The following GPR141 variants were observed in gnomAD, a reference collection of about 807,000 sequenced individuals.
The protein encoded by GPR141 is G protein-coupled receptor 141, also known as probable G protein-coupled receptor 141.
Under a neutral mutation model 6.8 loss-of-function variants are expected in GPR141, and 6 were observed. That is an observed-to-expected ratio of 0.88 (90% CI 0.48 to 1.74). The LOEUF (loss-of-function observed/expected upper bound fraction) is 1.74. GPR141 is among the 40% of genes most tolerant of loss of function. The pLI is 0.01. For missense variants in GPR141, 372 were observed against 372.9 expected, an observed-to-expected ratio of 1.00 and a Z score of 0.02; for synonymous variants, 140 against 142.3, an observed-to-expected ratio of 0.98 and a Z score of 0.11.
chr7:37,705,126 A>G (rs1810469129), intron 2 of GPR141, among the ~76,000 whole-genome samples: 1 of 152,232 alleles, frequency 6.6e-6, no homozygotes, highest in Non-Finnish European at 1.5e-5. Flanking sequence ...AGGAAAGCTT[A>G]CTTTGATATT....
intron 2 of GPR141, among the ~76,000 whole-genome samples, chr7:37,736,927 C>A (rs12532170): frequency 6.6e-5 from 10 of 151,854 alleles, no homozygotes; most frequent in Admixed American, 5.9e-4. Context: ...GTTAATGATA[C>A]AATACAATAA....
intron 2 of GPR141, among the ~76,000 whole-genome samples, chr7:37,721,918 A>G (rs1273952640): frequency 6.6e-6 from 1 of 152,222 alleles, no homozygotes; most frequent in Non-Finnish European, 1.5e-5. Context: ...GCCTACAAGT[A>G]TATTTCACCT....
chr7:37,727,967 A>G (rs1272466285), intron 2 of GPR141, among the ~76,000 whole-genome samples: 2 of 152,170 alleles, frequency 1.3e-5, no homozygotes, highest in Admixed American at 1.3e-4. Flanking sequence ...TAATATGTCA[A>G]ATGTTCCAGG....
intron 2 of GPR141, among the ~76,000 whole-genome samples, chr7:37,709,486 G>T (rs750337818): frequency 3.9e-5 from 6 of 152,004 alleles, no homozygotes; most frequent in Non-Finnish European, 7.4e-5. Flanking sequence ...CCTAGAAGAG[G>T]GATTACCACC....
At chr7:37,735,153 A>G (rs1468448872) in intron 2 of GPR141, among the ~76,000 whole-genome samples, 1 of 152,226 alleles carries the variant, frequency 6.6e-6, no homozygotes, top group Non-Finnish European at 1.5e-5. Context: ...AATCCAAGAA[A>G]TCAAATAAAG....
Position 37,741,049 on chromosome 7 carries a change from A to C in GPR141, c.656A>C (p.Gln219Pro). ...CTACGCCACTCTTTACTATCCCACC[A>C]GGAGTTCTGGGCTCAGCTGAAAAAC... ...QKLRHSLLSHQEFWAQLKNLF... is the reference protein window; with the variant it reads ...QKLRHSLLSHPEFWAQLKNLF... Residue 219 changes from glutamine (Q) to proline (P), a missense_variant, in exon 3 of 3, where the codon CAG (glutamine) becomes CCG (proline). Coordinates refer to ENST00000334425, the MANE Select transcript of GPR141 (RefSeq NM_001381946.1). 1 of 1,614,136 alleles carries C rather than the reference A, an allele frequency of 6.2e-7. No individual in the cohort carries two copies. The highest frequency in any genetic ancestry group is 8.5e-7 in the Non-Finnish European group (1 of 1,179,984).
At chr7:37,713,463 T>C (rs1198297639) in intron 2 of GPR141, 1 of 152,186 alleles carries the variant, frequency 6.6e-6, no homozygotes, top group Non-Finnish European at 1.5e-5. Context: ...GATGTTAATT[T>C]ATAATGCTTT....
At chr7:37,722,939 CTT>C (rs1811414689) in intron 2 of GPR141, among the ~76,000 whole-genome samples, 7 of 122,856 alleles carry the variant, frequency 5.7e-5, no homozygotes, top group Admixed American at 5.0e-4. Context: ...TCCTTCCTTC[CTT>C]CCTTCCTTCC....
At chr7:37,714,991 CATGTT>C (rs1325298739) in intron 2 of GPR141, among the ~76,000 whole-genome samples, 1 of 152,170 alleles carries the variant, frequency 6.6e-6, no homozygotes, top group African/African-American at 2.4e-5. Flanking sequence ...TTCTGCAAAA[CATGTT>C]ATAACAAGAA....
chr7:37,727,512 C>T (rs1000150760), intron 2 of GPR141, among the ~76,000 whole-genome samples: 1 of 152,184 alleles, frequency 6.6e-6, no homozygotes, highest in Non-Finnish European at 1.5e-5. Flanking sequence ...CTTTTTTCCA[C>T]TTTGCCCTCT....
intron 2 of GPR141, among the ~76,000 whole-genome samples, chr7:37,717,436 T>C (rs929015488): frequency 2.0e-5 from 3 of 152,064 alleles, no homozygotes; most frequent in African/African-American, 7.2e-5. Context: ...TAGGTGGAGG[T>C]TGTGTATTTG....
intron 2 of GPR141, among the ~76,000 whole-genome samples, chr7:37,720,122 G>A (rs1811246763): frequency 6.6e-6 from 1 of 152,158 alleles, no homozygotes; most frequent in South Asian, 2.1e-4. Flanking sequence ...AGATTGATGG[G>A]GTTCAGGAAG....
At chr7:37,726,487 C>G (rs115496523) in intron 2 of GPR141, among the ~76,000 whole-genome samples, 3,434 of 152,160 alleles carry the variant, frequency 0.023, 138 homozygotes, top group African/African-American at 0.079. Context: ...TGTAATTTTT[C>G]ATAATTTTTA....
intron 2 of GPR141, among the ~76,000 whole-genome samples, chr7:37,690,502 C>A (rs1305216333): frequency 6.6e-6 from 1 of 152,116 alleles, no homozygotes; most frequent in Non-Finnish European, 1.5e-5. Context: ...GAGGTCTCCC[C>A]AGAAGCAGAT....
chr7:37,732,230 CTT>C lies in GPR141; in HGVS notation c.-14-8146_-14-8145del, dbSNP rs1025237774. Among the ~76,000 whole-genome samples the C allele has an allele frequency of 3.5e-5, 5 of 140,964 alleles. 1 individual carries two copies. Among genetic ancestry groups the C allele is most frequent in the African/African-American group, 1.3e-4 (5 of 38,684 alleles). The allele number at this position is 140,964 out of a possible 152,430, so 92.5% of individuals were successfully genotyped here. A position where few individuals can be genotyped will look rare whatever the true frequency, so the allele number is the denominator to read the frequency against. On this transcript the variant is annotated intron_variant, in intron 2 of 2. Coordinates refer to ENST00000334425, the MANE Select transcript of GPR141 (RefSeq NM_001381946.1). Reference sequence around the variant, plus strand: ...GTGATCTCGGCTCACTGCAACCTCTCTTTTTGTTATTAGGTTGTTGCAAAAGT... The same window carrying C: ...GTGATCTCGGCTCACTGCAACCTCTCTTTGTTATTAGGTTGTTGCAAAAGT...
Position 37,740,750 on chromosome 7 carries a change from G to T in GPR141, c.357G>T (p.Lys119Asn). The T allele has an allele frequency of 6.2e-7, 1 of 1,614,128 alleles. No homozygotes were observed. Among genetic ancestry groups the T allele is most frequent in the Non-Finnish European group, 8.5e-7 (1 of 1,179,998 alleles). The part of the protein sequence containing the change: ...ILVTRYLIFF[K>N]CKDKVEFYRK... ...TCACCAGATACCTCATCTTCTTCAA[G>T]TGCAAAGACAAAGTGGAATTCTACA... Residue 119 changes from lysine to asparagine, a missense_variant, in exon 3 of 3, where the codon AAG becomes AAT. Transcript: ENST00000334425.
chr7:37,686,162 C>T (rs1055092740), intron 2 of GPR141, among the ~76,000 whole-genome samples: 7 of 123,846 alleles, frequency 5.7e-5, no homozygotes, highest in Admixed American at 8.6e-5. Flanking sequence ...CCCTGCCTGC[C>T]TTTTTTTTTT....
At chr7:37,688,778 A>C (rs1809629911) in intron 2 of GPR141, among the ~76,000 whole-genome samples, 1 of 152,204 alleles carries the variant, frequency 6.6e-6, no homozygotes, top group African/African-American at 2.4e-5. Context: ...CATCTCTGAA[A>C]CTACCAGTAG....
intron 2 of GPR141, among the ~76,000 whole-genome samples, chr7:37,693,017 A>G (rs1263304892): frequency 1.3e-5 from 2 of 151,998 alleles, no homozygotes; most frequent in African/African-American, 4.8e-5. Flanking sequence ...ATTAGATCCT[A>G]TTTTTCAATT....
Sources: gnomAD v4.1 joint callset for allele counts (sites outside exome capture counted in the v4.1 genomes callset) on GRCh38, gnomAD v4.1.1 for gene constraint, MANE v1.5 for transcripts, NCBI Gene and HGNC (gene_info 2026-07-23, HGNC 2026-07-21) for gene names.